The following PPM1L variants were observed in gnomAD, a reference collection of about 807,000 sequenced individuals.
PPM1L encodes the protein protein phosphatase 1L.
In PPM1L, 13 loss-of-function variants were observed where a neutral mutation model predicts 31.4. The observed-to-expected ratio is 0.41, with a 90% CI of 0.27 to 0.66. The LOEUF is 0.66. PPM1L is among the 30% of genes least tolerant of loss of function. The pLI, the probability that PPM1L is intolerant of heterozygous loss-of-function variation, is 0.29. For synonymous variants in PPM1L, 184 were observed against 175.4 expected, an observed-to-expected ratio of 1.05 and a Z score of -0.39; for missense variants, 326 against 453.7, an observed-to-expected ratio of 0.72 and a Z score of 2.56.
chr3:160,917,069 A>G (rs577631976), intron 1 of PPM1L, among the ~76,000 whole-genome samples: 70 of 152,314 alleles, frequency 4.6e-4, no homozygotes, highest in Non-Finnish European at 7.4e-4. Flanking sequence ...GGAGGACAAG[A>G]GAGGGAATTA....
intron 1 of PPM1L, among the ~76,000 whole-genome samples, chr3:160,947,326 T>G (rs557087785): frequency 5.9e-5 from 9 of 152,306 alleles, no homozygotes; most frequent in Admixed American, 1.3e-4. Flanking sequence ...AAGCCTTTTC[T>G]CCTGTAAAAT....
intron 1 of PPM1L, among the ~76,000 whole-genome samples, chr3:160,941,460 A>G (rs989253373): frequency 2.0e-5 from 3 of 152,290 alleles, no homozygotes; most frequent in Non-Finnish European, 4.4e-5. Flanking sequence ...CGCAGAGGTA[A>G]TTGAATCATG....
At chr3:160,864,563 AATTT>A (rs1712022086) in intron 1 of PPM1L, among the ~76,000 whole-genome samples, 4 of 152,204 alleles carry the variant, frequency 2.6e-5, no homozygotes, top group Admixed American at 2.6e-4. Context: ...GTTCCAGAGT[AATTT>A]ATTTGTCTCC....
intron 1 of PPM1L, among the ~76,000 whole-genome samples, chr3:160,940,578 T>C (rs1576728316): frequency 6.6e-6 from 1 of 152,050 alleles, no homozygotes; most frequent in Admixed American, 6.5e-5. Context: ...CTTCGGAGGG[T>C]GGAAGCCCCA....
intron 1 of PPM1L, among the ~76,000 whole-genome samples, chr3:160,819,457 A>G (rs1475504474): frequency 6.6e-6 from 1 of 152,014 alleles, no homozygotes; most frequent in Non-Finnish European, 1.5e-5. Flanking sequence ...TACAGATACA[A>G]TGATAATGTC....
At chr3:160,769,726 T>C (rs1481511155) in intron 1 of PPM1L, among the ~76,000 whole-genome samples, 2 of 152,162 alleles carry the variant, frequency 1.3e-5, no homozygotes, top group Non-Finnish European at 2.9e-5. Flanking sequence ...CTTTACTATC[T>C]CCTGTTTTAG....
At chr3:160,871,950 ATTAT>A in intron 1 of PPM1L, among the ~76,000 whole-genome samples, 1 of 152,054 alleles carries the variant, frequency 6.6e-6, no homozygotes, top group South Asian at 2.1e-4. Flanking sequence ...CTTTTTTTTA[ATTAT>A]TTATCTTATC....
intron 2 of PPM1L, among the ~76,000 whole-genome samples, chr3:161,046,699 T>C (rs1457632761): frequency 6.6e-6 from 1 of 152,168 alleles, no homozygotes; most frequent in Non-Finnish European, 1.5e-5. Context: ...AGTAAAATAC[T>C]GGCAAACCGA....
chr3:160,862,095 A>AG (rs1012559241), intron 1 of PPM1L, among the ~76,000 whole-genome samples: 16 of 152,052 alleles, frequency 1.1e-4, no homozygotes, highest in South Asian at 4.2e-4. Context: ...GACATATTTG[A>AG]GGGGGGGCCA....
At chr3:160,763,530 G>A (rs1315518746) in intron 1 of PPM1L, among the ~76,000 whole-genome samples, 2 of 152,218 alleles carry the variant, frequency 1.3e-5, no homozygotes, top group Non-Finnish European at 2.9e-5. Context: ...CAGCATGCTA[G>A]GTCCCCCTGT....
intron 2 of PPM1L, among the ~76,000 whole-genome samples, chr3:161,027,210 G>C (rs188842634): frequency 3.3e-5 from 5 of 152,314 alleles, no homozygotes; most frequent in Admixed American, 3.3e-4. Flanking sequence ...GCTTTAGAAA[G>C]ATGGCTTTGA....
intron 2 of PPM1L, among the ~76,000 whole-genome samples, chr3:161,055,020 CTAATA>C (rs770790620): frequency 2.0e-5 from 3 of 151,892 alleles, no homozygotes; most frequent in Non-Finnish European, 4.4e-5. Context: ...CAGAGTTAGA[CTAATA>C]TGTCAGGTGA....
At chr3:161,042,802 C>T (rs73021215) in intron 2 of PPM1L, among the ~76,000 whole-genome samples, 41,859 of 151,744 alleles carry the variant, frequency 0.28, 6,154 homozygotes, top group East Asian at 0.58. Flanking sequence ...GGGTGAATCA[C>T]GAGGTCAGGA....
rs747920110 is a variant in PPM1L, at chr3:161,065,532, A to G, written c.704A>G (p.Gln235Arg). ...TTGTCTCATGATCACAAGCCTTACC[A>G]GTTGAAGGAAAGAAAGAGGATAAAG... ...IPLSHDHKPY[Q>R]LKERKRIKRA... Residue 235 changes from glutamine (Q) to arginine (R), a missense_variant, in exon 3 of 4, where the codon CAG (glutamine) becomes CGG (arginine). By Grantham distance (43) the Gln-to-Arg change is conservative. Transcript: ENST00000498165. 7 of 1,614,038 alleles carry G rather than the reference A, an allele frequency of 4.3e-6. No individual in the cohort carries two copies. The East Asian group carries it at 1.6e-4, about 36-fold the overall frequency.
chr3:160,905,870 T>G (rs1418127159), intron 1 of PPM1L, among the ~76,000 whole-genome samples: 1 of 152,124 alleles, frequency 6.6e-6, no homozygotes, highest in Non-Finnish European at 1.5e-5. Context: ...CATTTTTTTC[T>G]AAGACTTTTT....
chr3:160,949,652 C>G (rs559724113), intron 1 of PPM1L, among the ~76,000 whole-genome samples: 1 of 152,074 alleles, frequency 6.6e-6, no homozygotes, highest in South Asian at 2.1e-4. Flanking sequence ...TGCCATCGTG[C>G]CTACATTGGA....
chr3:160,854,007 T>C (rs537642746), intron 1 of PPM1L, among the ~76,000 whole-genome samples: 1 of 152,318 alleles, frequency 6.6e-6, no homozygotes, highest in East Asian at 1.9e-4. Flanking sequence ...CGGTTGTAGA[T>C]AGCAATGTCA....
At chr3:161,058,044 C>T (rs1344338483) in intron 2 of PPM1L, among the ~76,000 whole-genome samples, 1 of 149,992 alleles carries the variant, frequency 6.7e-6, no homozygotes, top group Admixed American at 6.7e-5. Context: ...TTTTGAGTTC[C>T]AGAGAGGTTA....
At chr3:160,957,237 A>AT (rs957531600) in intron 1 of PPM1L, among the ~76,000 whole-genome samples, 2 of 152,070 alleles carry the variant, frequency 1.3e-5, no homozygotes, top group African/African-American at 2.4e-5. Flanking sequence ...ACATGATCTC[A>AT]TTTTTTTATA....
Sources: allele counts gnomAD v4.1 joint callset (sites outside exome capture counted in the v4.1 genomes callset), GRCh38; gene constraint gnomAD v4.1.1; transcripts MANE v1.5; gene names NCBI Gene and HGNC (gene_info 2026-07-23, HGNC 2026-07-21).